SERBP1: variants seen among roughly 807,000 people sequenced by gnomAD.
SERBP1 encodes SERPINE1 mRNA binding protein 1, also known as SERPINE1 mRNA-binding protein 1.
SERBP1 carries 6 observed loss-of-function variants against 50.2 expected under a neutral mutation model. The observed-to-expected ratio is 0.12, with a 90% CI of 0.07 to 0.24. SERBP1 has a LOEUF of 0.24. Ranked by LOEUF, SERBP1 falls within the 10% of genes least tolerant of loss-of-function variation. The pLI is 1.00. For missense variants in SERBP1, 346 were observed against 524.9 expected (o/e 0.66, Z 3.33); for synonymous variants, 168 against 182.8 (o/e 0.92, Z 0.65).
chr1:67,426,320 T>C, intron 1 of SERBP1, 35 bp from the exon 2 acceptor site: 1 of 1,539,714 alleles, frequency 6.5e-7, no homozygotes, highest in Non-Finnish European at 8.7e-7. Context: ...AAGCAAATTA[T>C]TTTTGCAATC....
rs888611601 is a variant in SERBP1, at chr1:67,430,193, G to T, written c.108C>A (p.Asn36Lys). 8.1e-6 allele frequency: 13 copies of T among 1,610,674 alleles called. No homozygotes were observed. Among genetic ancestry groups the T allele is most frequent in the African/African-American group, 1.3e-5 (1 of 74,712 alleles). The change falls in exon 1 of 8, where the codon AAC (asparagine) becomes AAA (lysine). Residue 36 changes from asparagine (N) to lysine (K), a missense_variant. Coordinates refer to ENST00000361219, the MANE Select transcript of SERBP1 (RefSeq NM_001018069.2). ...CGCCCCCGCCGGCTTCTTTTTTCTT[G>T]TTCTCTGCTGCCTTCAGCACCTCGA... Reference protein sequence around the residue: ...DPFEVLKAAENKKKEAGGGGV... With the variant: ...DPFEVLKAAEKKKKEAGGGGV...
Position 67,408,932 on chromosome 1 carries a change from A to G in SERBP1, c.*4275T>C, listed in dbSNP as rs1181600581. 6.6e-6 allele frequency: 1 copy of G among 152,132 alleles called. No homozygotes were observed. Among genetic ancestry groups the G allele is most frequent in the Non-Finnish European group, 1.5e-5 (1 of 68,038 alleles). 9.4% of individuals were successfully genotyped at this position (152,132 alleles called of 1,614,324 possible). A position where few individuals can be genotyped will look rare whatever the true frequency, so the allele number is the denominator to read the frequency against. ...CTAATTTCACAGCTTCCTGTTGGGTAGACCACTTAATTTGTACCTAGAACT... is the reference window on the plus strand; with the variant it reads ...CTAATTTCACAGCTTCCTGTTGGGTGGACCACTTAATTTGTACCTAGAACT... On this transcript the variant is annotated 3_prime_UTR_variant, in exon 8 of 8. Coordinates refer to ENST00000361219, the MANE Select transcript of SERBP1 (RefSeq NM_001018069.2).
intron 1 of SERBP1, 25 bp from the exon 2 acceptor site, chr1:67,426,310 A>T (rs375202218): frequency 7.1e-6 from 11 of 1,549,122 alleles, no homozygotes; most frequent in Middle Eastern, 1.7e-4. Context: ...TAACCTGCAT[A>T]AGCAAATTAT....
intron 5 of SERBP1, chr1:67,420,620 G>C (rs1667169373): frequency 6.5e-6 from 1 of 153,196 alleles, no homozygotes; most frequent in Non-Finnish European, 1.5e-5. Flanking sequence ...TAATCCTCTA[G>C]GATGTCTGTC....
At chr1:67,415,080 T>G in intron 7 of SERBP1, 86 bp downstream of exon 7, 1 of 1,388,040 alleles carries the variant, frequency 7.2e-7, no homozygotes, top group Non-Finnish European at 9.6e-7. Flanking sequence ...CTACTTATGT[T>G]CCCAAAAGTG....
intron 5 of SERBP1, among the ~76,000 whole-genome samples, chr1:67,421,860 G>A (rs1474306954): frequency 2.0e-5 from 3 of 152,158 alleles, no homozygotes; most frequent in African/African-American, 7.2e-5. Context: ...GGCTGAGGCA[G>A]GAGAATCGCT....
chr1:67,428,871 G>A (rs375286523), intron 1 of SERBP1, among the ~76,000 whole-genome samples: 14 of 152,194 alleles, frequency 9.2e-5, no homozygotes, highest in African/African-American at 2.7e-4. Context: ...CACGTGGCAG[G>A]AAGGGGTAAT....
At position 67,412,978 on chromosome 1, in the gene SERBP1, T is replaced by C. The variant is rs1666889004; in HGVS notation, c.*229A>G. On this transcript the variant is annotated 3_prime_UTR_variant, in exon 8 of 8. Coordinates refer to ENST00000361219, the MANE Select transcript of SERBP1 (RefSeq NM_001018069.2). The stretch of plus-strand genomic sequence containing the variant: ...ATAATCTCTGAAAATTATGAAAACA[T>C]CCCTGCTACCAATACATTTCTAAAT... 5.5e-6 allele frequency: 3 copies of C among 546,130 alleles called. No individual in the cohort carries two copies. Among genetic ancestry groups the C allele is most frequent in the South Asian group, 5.7e-5 (2 of 34,848 alleles). 33.8% of individuals were successfully genotyped at this position (546,130 alleles called of 1,614,324 possible). A position where few individuals can be genotyped will look rare whatever the true frequency, so the allele number is the denominator to read the frequency against.
intron 5 of SERBP1, among the ~76,000 whole-genome samples, chr1:67,423,450 T>C (rs1035490784): frequency 2.6e-5 from 4 of 150,962 alleles, no homozygotes; most frequent in East Asian, 2.0e-4. Context: ...CTACTAAAAA[T>C]ACAAAAATTA....
At position 67,413,208 on chromosome 1, in the gene SERBP1, TA is replaced by T; in HGVS notation, c.1180del (p.Ter394AsnfsTer5). On this transcript the variant is annotated frameshift_variant and stop_lost, in exon 8 of 8. Coordinates refer to ENST00000361219, the MANE Select transcript of SERBP1 (RefSeq NM_001018069.2). LOFTEE classifies it high-confidence loss of function. Reference sequence around the variant, plus strand: ...CCAGGGTTGTCTTATGGCATCCAGTTAAGCCAGAGCTGGGAATGCCTCTGGG... The same window carrying T: ...CCAGGGTTGTCTTATGGCATCCAGTTAGCCAGAGCTGGGAATGCCTCTGGG... The part of the protein sequence containing the change: ...DDPEAFPALA[*>X] 6.2e-7 allele frequency: 1 copy of T among 1,600,266 alleles called. No individual in the cohort carries two copies. Among genetic ancestry groups the T allele is most frequent in the South Asian group, 1.1e-5 (1 of 88,036 alleles).
chr1:67,425,969 C>T lies in SERBP1; in HGVS notation c.464+166G>A, dbSNP rs1250594607. ...ACCTCAGCTCTACAAAAAAAATTAG[C>T]AGTGTGGTGGCGTGACCTTGTAGTC... On this transcript the variant is annotated intron_variant, in intron 2 of 7. Transcript: ENST00000361219. 2.0e-5 allele frequency among the ~76,000 whole-genome samples: 3 copies of T among 152,108 alleles called. No homozygotes were observed. In the East Asian group the frequency reaches 5.8e-4, roughly 29 times the overall value.
intron 6 of SERBP1, 133 bp from the exon 7 acceptor site, chr1:67,415,472 TC>T: frequency 1.3e-6 from 1 of 794,902 alleles, no homozygotes; most frequent in Non-Finnish European, 1.9e-6. Flanking sequence ...TCTCAATGCC[TC>T]CACAGGTAAC....
In SERBP1 at chr1:67,410,324, G is replaced by C. The variant is rs1666785576; in HGVS notation, c.*2883C>G. 2 of 152,044 alleles carry C rather than the reference G, an allele frequency of 1.3e-5. No homozygotes were observed. The highest frequency in any genetic ancestry group is 2.9e-5 in the Non-Finnish European group (2 of 68,006). 9.4% of individuals were successfully genotyped at this position (152,044 alleles called of 1,614,324 possible). ...GTATGCAACTCCCTGTTCTATTTCAGTGCAACCATCTCTGGCAACTAGAAA... is the reference window on the plus strand; with the variant it reads ...GTATGCAACTCCCTGTTCTATTTCACTGCAACCATCTCTGGCAACTAGAAA... On this transcript the variant is annotated 3_prime_UTR_variant, in exon 8 of 8. Coordinates refer to ENST00000361219, the MANE Select transcript of SERBP1 (RefSeq NM_001018069.2).
intron 4 of SERBP1, 115 bp from the exon 5 acceptor site, chr1:67,424,392 A>T: frequency 7.3e-7 from 1 of 1,365,278 alleles, no homozygotes; most frequent in Non-Finnish European, 9.9e-7. Flanking sequence ...TTCATACAAA[A>T]ATACCATAAG....
intron 2 of SERBP1, 38 bp from the exon 3 acceptor site, chr1:67,425,261 C>A: frequency 2.0e-6 from 3 of 1,535,706 alleles, no homozygotes; most frequent in South Asian, 2.5e-5. Context: ...TCCATGGTTT[C>A]CAGAAGAAAT....
In SERBP1 at chr1:67,423,304, C is replaced by CA. The variant is rs555873706; in HGVS notation, c.773+895dup. On this transcript the variant is annotated intron_variant, in intron 5 of 7. Coordinates refer to ENST00000361219, the MANE Select transcript of SERBP1 (RefSeq NM_001018069.2). The stretch of plus-strand genomic sequence containing the variant: ...AAGAGTGAACTCCATCTCACACACA[C>CA]AAAAAAAAAAGTTAGTGAAGGGCTG... Among the ~76,000 whole-genome samples, 540 of 132,262 alleles carry CA rather than the reference C, an allele frequency of 4.1e-3. 3 individuals carry two copies. Among genetic ancestry groups the CA allele is most frequent in the African/African-American group, 0.015 (515 of 35,142 alleles). The allele number at this position is 132,262 out of a possible 152,430, so 86.8% of individuals were successfully genotyped here. A position where few individuals can be genotyped will look rare whatever the true frequency, so the allele number is the denominator to read the frequency against.
chr1:67,416,168 A>G (rs1003129450), intron 6 of SERBP1, among the ~76,000 whole-genome samples: 7 of 152,130 alleles, frequency 4.6e-5, no homozygotes, highest in Non-Finnish European at 8.8e-5. Context: ...ACATGCCATG[A>G]CACCTGGCTA....
rs1416471439 is a variant in SERBP1 at position 67,412,049 on chromosome 1, G to C, written c.*1158C>G. 1.3e-5 allele frequency: 2 copies of C among 152,592 alleles called. No homozygotes were observed. The highest frequency in any genetic ancestry group is 6.5e-5 in the Admixed American group (1 of 15,276). The allele number at this position is 152,592 out of a possible 1,614,324, so 9.5% of individuals were successfully genotyped here. ...AATTTAGAAACAGTAAAGGTTTTTG[G>C]TTTATATTTCATGTATAGTGCTGCT... is the stretch of plus-strand genomic sequence containing the variant. On this transcript the variant is annotated 3_prime_UTR_variant, in exon 8 of 8. Transcript: ENST00000361219.
chr1:67,417,807 G>A (rs1214362919), intron 6 of SERBP1, among the ~76,000 whole-genome samples: 3 of 151,866 alleles, frequency 2.0e-5, no homozygotes, highest in South Asian at 2.1e-4. Flanking sequence ...CACTGTGTCC[G>A]ACCTTTTTTC....
Sources: allele counts gnomAD v4.1 joint callset (sites outside exome capture counted in the v4.1 genomes callset), GRCh38; gene constraint gnomAD v4.1.1; transcripts MANE v1.5; gene names NCBI Gene and HGNC (gene_info 2026-07-23, HGNC 2026-07-21).